The following MTUS1 variants were observed in gnomAD, a reference collection of about 807,000 sequenced individuals.
The protein encoded by MTUS1 is microtubule-associated tumor suppressor 1.
A neutral mutation model predicts 120.8 loss-of-function variants in MTUS1; 109 were observed. The observed-to-expected ratio is 0.90, with a 90% CI of 0.77 to 1.06. MTUS1 has a LOEUF of 1.06. MTUS1 is among the 50% of genes least tolerant of loss of function. The pLI is 0.00. For missense variants in MTUS1, 2,210 were observed against 1,486.3 expected (o/e 1.49, Z -8.01); for synonymous variants, 737 against 550.5 (o/e 1.34, Z -4.74).
In MTUS1 at chr8:17,677,315, C is replaced by G. The variant is rs148870385; in HGVS notation, c.2839-2063G>C. 1.1e-4 allele frequency among the ~76,000 whole-genome samples: 17 copies of G among 152,232 alleles called. No homozygotes were observed. The East Asian group carries it at 3.1e-3, about 28-fold the overall frequency. ...AAGTAAACACCAGGAAGCTTTACCA[C>G]TCAAGTAACAGGAAAAACAAGACAG... On this transcript the variant is annotated intron_variant, in intron 7 of 14. Transcript: ENST00000693296.
intron 8 of MTUS1, among the ~76,000 whole-genome samples, chr8:17,670,974 T>C (rs2130590059): frequency 6.6e-6 from 1 of 152,258 alleles, no homozygotes; most frequent in South Asian, 2.1e-4. Context: ...TAAATCAGTG[T>C]TTGCTTCTAG....
chr8:17,765,617 T>TAAAA (rs2049419966), intron 1 of MTUS1, among the ~76,000 whole-genome samples: 2 of 26,560 alleles, frequency 7.5e-5, no homozygotes, highest in African/African-American at 2.9e-4. Context: ...AGACTCTGTC[T>TAAAA]CAAAAAAAAA....
chr8:17,687,518 G>C (rs1223554022), intron 6 of MTUS1, among the ~76,000 whole-genome samples: 1 of 152,096 alleles, frequency 6.6e-6, no homozygotes, highest in African/African-American at 2.4e-5. Flanking sequence ...GATAACAAAG[G>C]TTTTATACAG....
intron 12 of MTUS1, among the ~76,000 whole-genome samples, chr8:17,650,901 T>A (rs1806838377): frequency 6.6e-6 from 1 of 152,200 alleles, no homozygotes; most frequent in African/African-American, 2.4e-5. Context: ...TGAAGCAACG[T>A]CTTAGGTAAG....
At chr8:17,682,517 C>CAAAAA (rs55901871) in intron 7 of MTUS1, among the ~76,000 whole-genome samples, 3 of 114,956 alleles carry the variant, frequency 2.6e-5, no homozygotes, top group Admixed American at 1.8e-4. Flanking sequence ...GACTCCATCC[C>CAAAAA]AAAAAAAAAA....
chr8:17,787,262 A>G (rs1311171682), intron 1 of MTUS1, among the ~76,000 whole-genome samples: 1 of 152,220 alleles, frequency 6.6e-6, no homozygotes, highest in East Asian at 1.9e-4. Flanking sequence ...ACAGCTCTTC[A>G]AAGTCCACAG....
At chr8:17,657,917 A>G (rs1319378951) in intron 8 of MTUS1, among the ~76,000 whole-genome samples, 1 of 151,480 alleles carries the variant, frequency 6.6e-6, no homozygotes, top group Non-Finnish European at 1.5e-5. Flanking sequence ...ATATATGTAT[A>G]TATCTATGTG....
rs1253669992 is a variant in MTUS1, at chr8:17,644,270, T to C, written c.*1656A>G. 1.3e-5 allele frequency: 2 copies of C among 152,672 alleles called. No individual in the cohort carries two copies. Among genetic ancestry groups the C allele is most frequent in the Non-Finnish European group, 2.9e-5 (2 of 68,056 alleles). 9.5% of individuals were successfully genotyped at this position (152,672 alleles called of 1,614,324 possible). On this transcript the variant is annotated 3_prime_UTR_variant, in exon 15 of 15. Transcript: ENST00000693296. Reference sequence around the variant, plus strand: ...TTAAAGACTTAAGACACAAAATCACTAATTTAAAAGAACATGCAACATGAG... The same window carrying C: ...TTAAAGACTTAAGACACAAAATCACCAATTTAAAAGAACATGCAACATGAG...
chr8:17,680,988 T>C (rs1177976857), intron 7 of MTUS1, among the ~76,000 whole-genome samples: 2 of 151,950 alleles, frequency 1.3e-5, no homozygotes. Flanking sequence ...GGATGGAGTG[T>C]AGTGGTGCGA....
intron 6 of MTUS1, among the ~76,000 whole-genome samples, chr8:17,700,682 T>A (rs1439411785): frequency 2.0e-5 from 3 of 146,772 alleles, no homozygotes; most frequent in Non-Finnish European, 4.5e-5. Flanking sequence ...TGTTTTTGTA[T>A]TTTCCTAATT....
Position 17,753,904 on chromosome 8 carries a change from T to C in MTUS1, c.1904A>G (p.Gln635Arg). Reference protein sequence around the residue: ...CETGSVSALFQKIKGILPVKM... With the variant: ...CETGSVSALFRKIKGILPVKM... ...AACAGGGAGTATGCCTTTGATCTTC[T>C]GAAACAACGCAGAAACGGACCCGGT... Residue 635 changes from glutamine to arginine, a missense_variant, in exon 2 of 15, where the codon CAG becomes CGG. By Grantham distance (43) the Gln-to-Arg change is conservative. Transcript: ENST00000693296. The C allele has an allele frequency of 6.2e-7, 1 of 1,614,204 alleles. No homozygotes were observed. The highest frequency in any genetic ancestry group is 2.2e-5 in the East Asian group (1 of 44,876).
intron 1 of MTUS1, among the ~76,000 whole-genome samples, chr8:17,763,219 TG>T (rs1404407325): frequency 7.3e-6 from 1 of 137,440 alleles, no homozygotes; most frequent in African/African-American, 2.7e-5. Flanking sequence ...CTTGAACTCC[TG>T]TCCTTGTGAT....
chr8:17,655,504 A>G (rs995316835), intron 9 of MTUS1, among the ~76,000 whole-genome samples: 2 of 152,158 alleles, frequency 1.3e-5, no homozygotes, highest in Admixed American at 1.3e-4. Flanking sequence ...CAGGCGGATC[A>G]CCTGAGGTTG....
chr8:17,744,785 C>G (rs1034068301), intron 2 of MTUS1, among the ~76,000 whole-genome samples: 1 of 145,788 alleles, frequency 6.9e-6, no homozygotes, highest in Non-Finnish European at 1.5e-5. Flanking sequence ...ACTTCGTGAT[C>G]TGCCGCCTCG....
At chr8:17,767,867 C>T (rs555734172) in intron 1 of MTUS1, among the ~76,000 whole-genome samples, 1 of 152,112 alleles carries the variant, frequency 6.6e-6, no homozygotes, top group Non-Finnish European at 1.5e-5. Context: ...ATGATGGAGA[C>T]TGATGCTTCG....
At chr8:17,767,052 C>A (rs1483787108) in intron 1 of MTUS1, among the ~76,000 whole-genome samples, 1 of 151,968 alleles carries the variant, frequency 6.6e-6, no homozygotes, top group African/African-American at 2.4e-5. Flanking sequence ...GTTATCATCA[C>A]ATAGTGTGGG....
intron 1 of MTUS1, among the ~76,000 whole-genome samples, chr8:17,761,068 T>A (rs914828651): frequency 6.6e-6 from 1 of 152,096 alleles, no homozygotes; most frequent in Non-Finnish European, 1.5e-5. Context: ...CCCCACTTAT[T>A]AAAGAGCTGG....
At chr8:17,672,685 C>A (rs1402110879) in intron 8 of MTUS1, among the ~76,000 whole-genome samples, 1 of 152,192 alleles carries the variant, frequency 6.6e-6, no homozygotes, top group Admixed American at 6.5e-5. Flanking sequence ...CCTGCTGCAA[C>A]AGCAGCAATG....
At chr8:17,765,123 G>T (rs994000061) in intron 1 of MTUS1, among the ~76,000 whole-genome samples, 1 of 152,172 alleles carries the variant, frequency 6.6e-6, no homozygotes, top group Non-Finnish European at 1.5e-5. Context: ...CGCATGCACA[G>T]TTCACAATAG....
Sources: gnomAD v4.1 joint callset for allele counts (sites outside exome capture counted in the v4.1 genomes callset) on GRCh38, gnomAD v4.1.1 for gene constraint, MANE v1.5 for transcripts, NCBI Gene and HGNC (gene_info 2026-07-23, HGNC 2026-07-21) for gene names.